Variants in ERC1 observed in about 807,000 individuals in gnomAD.
ERC1 encodes RAB6 interacting protein 2.
Under a neutral mutation model 132.0 loss-of-function variants are expected in ERC1, and 56 were observed. That is an observed-to-expected ratio of 0.42 (90% CI 0.34 to 0.53). The LOEUF is 0.53. Among genes scored for constraint, ERC1 ranks in the 20% least tolerant of loss-of-function variants. ERC1 has a pLI of 0.03. For synonymous variants in ERC1, 478 were observed against 476.1 expected (o/e 1.00, Z -0.05); for missense variants, 1,202 against 1,349.9 (o/e 0.89, Z 1.72).
intron 1 of ERC1, among the ~76,000 whole-genome samples, chr12:1,006,223 CTG>C: frequency 6.6e-6 from 1 of 151,982 alleles, no homozygotes; most frequent in South Asian, 2.1e-4. Flanking sequence ...TCCCAAAGTG[CTG>C]GGATTACAGG....
intron 6 of ERC1, among the ~76,000 whole-genome samples, chr12:1,114,625 A>T (rs1010687585): frequency 6.6e-6 from 1 of 152,178 alleles, no homozygotes; most frequent in Admixed American, 6.5e-5. Context: ...TGGTGAAGGG[A>T]TATCATAAAA....
rs150851267 is a variant in ERC1 at position 1,405,065 on chromosome 12, A to G, written c.2926-3084A>G. Among the ~76,000 whole-genome samples, 894 of 152,060 alleles carry G rather than the reference A, an allele frequency of 5.9e-3. 8 individuals are homozygous for G. The highest frequency in any genetic ancestry group is 0.021 in the African/African-American group (861 of 41,474). On this transcript the variant is annotated intron_variant, in intron 16 of 18. Coordinates refer to ENST00000360905, the MANE Select transcript of ERC1 (RefSeq NM_178040.4). ...TGAGGCAAGAGAATTGCTTGAGCCC[A>G]GGAGGCAAAAGTTGCAGCGAGCTGA...
intron 1 of ERC1, among the ~76,000 whole-genome samples, chr12:994,016 C>G (rs529977006): frequency 2.9e-5 from 4 of 135,918 alleles, no homozygotes; most frequent in East Asian, 2.3e-4. Flanking sequence ...TTGCAGTGAG[C>G]CGAGATTGCA....
chr12:1,150,483 A>G (rs1478742776), intron 8 of ERC1, among the ~76,000 whole-genome samples: 1 of 152,210 alleles, frequency 6.6e-6, no homozygotes, highest in African/African-American at 2.4e-5. Flanking sequence ...AGCAGGTATT[A>G]CCATTTTTAT....
chr12:1,257,102 T>C (rs2075570537), intron 13 of ERC1: 1 of 151,312 alleles, frequency 6.6e-6, no homozygotes, highest in Non-Finnish European at 1.5e-5. Context: ...TCACAAAAGA[T>C]ACTGATGCAA....
chr12:1,325,464 G>A (rs2082381399), intron 15 of ERC1, among the ~76,000 whole-genome samples: 2 of 152,140 alleles, frequency 1.3e-5, no homozygotes, highest in Admixed American at 1.3e-4. Flanking sequence ...CATTTTCTCT[G>A]CTGTAAGAAA....
intron 15 of ERC1, among the ~76,000 whole-genome samples, chr12:1,305,664 A>G (rs956560943): frequency 6.6e-6 from 1 of 152,178 alleles, no homozygotes; most frequent in African/African-American, 2.4e-5. Context: ...GGGGAGGGTC[A>G]TGTTGGGTTC....
chr12:1,064,784 G>T (rs34527943), intron 2 of ERC1, among the ~76,000 whole-genome samples: 34,535 of 152,066 alleles, frequency 0.23, 4,341 homozygotes, highest in Middle Eastern at 0.28. Flanking sequence ...TTTGGGATCT[G>T]TGAATACCAA....
rs1214008239 is a variant in ERC1 at position 1,222,226 on chromosome 12, T to C, written c.2352-14543T>C. Among the ~76,000 whole-genome samples, 4 of 149,818 alleles carry C rather than the reference T, an allele frequency of 2.7e-5. No homozygotes were observed. In the South Asian group the frequency reaches 8.5e-4, roughly 32 times the overall value. Reference sequence around the variant, plus strand: ...ACTATTATGAGTGTACATATTCTCTTTTTTTTTTTTTCTTTTTTGAGGAGA... The same window carrying C: ...ACTATTATGAGTGTACATATTCTCTCTTTTTTTTTTTCTTTTTTGAGGAGA... On this transcript the variant is annotated intron_variant, in intron 12 of 18. Coordinates refer to ENST00000360905, the MANE Select transcript of ERC1 (RefSeq NM_178040.4).
At chr12:1,093,204 C>A (rs191786518) in intron 3 of ERC1, among the ~76,000 whole-genome samples, 51 of 152,230 alleles carry the variant, frequency 3.4e-4, no homozygotes, top group Admixed American at 1.4e-3. Context: ...ATTCTCCCCC[C>A]CAAAAGCCGA....
At chr12:1,374,655 C>T (rs1006449881) in intron 16 of ERC1, among the ~76,000 whole-genome samples, 1 of 152,154 alleles carries the variant, frequency 6.6e-6, no homozygotes, top group African/African-American at 2.4e-5. Context: ...TGTTTAGTCA[C>T]AGCAGTTGTC....
intron 12 of ERC1, among the ~76,000 whole-genome samples, chr12:1,205,395 A>C (rs993500590): frequency 1.7e-4 from 25 of 144,430 alleles, no homozygotes; most frequent in African/African-American, 5.9e-4. Flanking sequence ...ATATATATAT[A>C]TCTGTGTGTG....
intron 13 of ERC1, among the ~76,000 whole-genome samples, chr12:1,239,148 T>C (rs2075628641): frequency 6.6e-6 from 1 of 152,222 alleles, no homozygotes; most frequent in Admixed American, 6.5e-5. Flanking sequence ...TCTTACTCTG[T>C]CACCTAGGCC....
rs767676264 is a variant in ERC1 at position 1,028,575 on chromosome 12, A to T, written c.669+3A>T. 5.0e-6 allele frequency: 8 copies of T among 1,602,746 alleles called. No individual in the cohort carries two copies. Among genetic ancestry groups the T allele is most frequent in the Non-Finnish European group, 6.8e-6 (8 of 1,174,470 alleles). Reference sequence around the variant, plus strand: ...GAGTTGTACAGGAGGAAAACCAGGTAAGTTCTACGTGTGTTTACCTTTATT... The same window carrying T: ...GAGTTGTACAGGAGGAAAACCAGGTTAGTTCTACGTGTGTTTACCTTTATT... On this transcript the variant is annotated splice_donor_region_variant and intron_variant, in intron 2 of 18. Coordinates refer to ENST00000360905, the MANE Select transcript of ERC1 (RefSeq NM_178040.4).
chr12:1,306,102 G>GA (rs889637561), intron 15 of ERC1, among the ~76,000 whole-genome samples: 27 of 151,178 alleles, frequency 1.8e-4, no homozygotes, highest in African/African-American at 5.1e-4. Flanking sequence ...ATACTTTAAA[G>GA]AAAAAAAAAC....
At position 1,405,639 on chromosome 12, in the gene ERC1, G is replaced by A. The variant is rs777852687; in HGVS notation, c.2926-2510G>A. The stretch of plus-strand genomic sequence containing the variant: ...AATCACTTGAACCCAGGAGGCAGAG[G>A]TTGCAGTGAGCCAGGATCACGCCAT... On this transcript the variant is annotated intron_variant, in intron 16 of 18. Transcript: ENST00000360905. Among the ~76,000 whole-genome samples the A allele has an allele frequency of 3.9e-5, 6 of 152,256 alleles. No homozygotes were observed. The East Asian group carries it at 1.2e-3, about 29-fold the overall frequency.
intron 18 of ERC1, among the ~76,000 whole-genome samples, chr12:1,462,634 TATG>T (rs1256377573): frequency 1.3e-5 from 2 of 152,118 alleles, no homozygotes; most frequent in Non-Finnish European, 2.9e-5. Flanking sequence ...CAGAATAAAT[TATG>T]GTGGTAAAAA....
At chr12:1,414,464 C>T (rs948337392) in intron 17 of ERC1, among the ~76,000 whole-genome samples, 1 of 152,182 alleles carries the variant, frequency 6.6e-6, no homozygotes, top group East Asian at 1.9e-4. Flanking sequence ...ATCCAGATAC[C>T]ATCATTTTGC....
intron 16 of ERC1, among the ~76,000 whole-genome samples, chr12:1,383,398 A>G (rs2154379311): frequency 6.6e-6 from 1 of 151,968 alleles, no homozygotes; most frequent in South Asian, 2.1e-4. Context: ...GGAACCAGTC[A>G]GACCAATATA....
Sources: allele counts gnomAD v4.1 joint callset (sites outside exome capture counted in the v4.1 genomes callset), GRCh38; gene constraint gnomAD v4.1.1; transcripts MANE v1.5; gene names NCBI Gene and HGNC (gene_info 2026-07-23, HGNC 2026-07-21).